The following SLC26A9 variants were observed in gnomAD, a reference collection of about 807,000 sequenced individuals.
SLC26A9 encodes anion transporter/exchanger protein 9.
SLC26A9 carries 46 observed loss-of-function variants against 87.1 expected under a neutral mutation model. That is an observed-to-expected ratio of 0.53 (90% confidence interval 0.42 to 0.67). The LOEUF (loss-of-function observed/expected upper bound fraction) is 0.67, where lower values mean the gene tolerates loss of function less well. SLC26A9 is among the 30% of genes least tolerant of loss of function. The probability of loss-of-function intolerance (pLI) is 0.00; values close to 1 mark genes in which losing one functional copy is unlikely to be tolerated. For synonymous variants in SLC26A9, 437 were observed against 409.1 expected (o/e 1.07, Z -0.82); for missense variants, 927 against 1,018.3 (o/e 0.91, Z 1.22).
intron 1 of SLC26A9, among the ~76,000 whole-genome samples, chr1:205,940,485 C>T (rs1436796027): frequency 6.6e-6 from 1 of 152,118 alleles, no homozygotes; most frequent in African/African-American, 2.4e-5. Flanking sequence ...CGGCACCTGG[C>T]CATGGGAAGC....
rs1054937127 is a variant in SLC26A9 at position 205,913,737 on chromosome 1, G to A, written c.*1620C>T. On this transcript the variant is annotated 3_prime_UTR_variant, in exon 21 of 21. Coordinates refer to ENST00000367135, the MANE Select transcript of SLC26A9 (RefSeq NM_052934.4). ...AAGTTTTGAGTTCCATTGGCAGCCAGATGGCATAATGAATTCACAGAAAAG... is the reference window on the plus strand; with the variant it reads ...AAGTTTTGAGTTCCATTGGCAGCCAAATGGCATAATGAATTCACAGAAAAG... 1 of 152,662 alleles carries A rather than the reference G, an allele frequency of 6.6e-6. No individual in the cohort carries two copies. Among genetic ancestry groups the A allele is most frequent in the Non-Finnish European group, 1.5e-5 (1 of 68,052 alleles). The allele number at this position is 152,662 out of a possible 1,614,324, so 9.5% of individuals were successfully genotyped here. A position where few individuals can be genotyped will look rare whatever the true frequency, so the allele number is the denominator to read the frequency against.
chr1:205,938,148 T>C (rs1472031181), intron 1 of SLC26A9, among the ~76,000 whole-genome samples: 1 of 151,872 alleles, frequency 6.6e-6, no homozygotes, highest in Admixed American at 6.6e-5. Context: ...CAGTGGTACC[T>C]TTCTTCCTGC....
In SLC26A9 at chr1:205,914,676, C is replaced by A; in HGVS notation, c.*681G>T. On this transcript the variant is annotated 3_prime_UTR_variant, in exon 21 of 21. Coordinates refer to ENST00000367135, the MANE Select transcript of SLC26A9 (RefSeq NM_052934.4). ...TCCCCGGGGAGGTAGCTCTGGTGGT[C>A]TCGACGGTCCTGGCCACTGTCCAGG... The A allele has an allele frequency of 1.8e-6, 1 of 547,780 alleles. No homozygotes were observed. The highest frequency in any genetic ancestry group is 3.5e-5 in the Admixed American group (1 of 28,562). 33.9% of individuals were successfully genotyped at this position (547,780 alleles called of 1,614,324 possible).
At position 205,927,947 on chromosome 1, in the gene SLC26A9, G is replaced by A; in HGVS notation, c.1056C>T (p.Gly352=). 6.2e-7 allele frequency: 1 copy of A among 1,614,210 alleles called. No homozygotes were observed. The highest frequency in any genetic ancestry group is 8.5e-7 in the Non-Finnish European group (1 of 1,180,018). ...IVSYVINLAM[G]RTLANKHGYD... The stretch of plus-strand genomic sequence containing the variant: ...AGCCGTGCTTGTTGGCCAGGGTCCG[G>A]CCCATAGCCAGGTTGATGACGTAGC... The change falls in exon 9 of 21, where the codon GGC becomes GGT. Residue 352 remains glycine, a synonymous_variant. Transcript: ENST00000367135.
intron 18 of SLC26A9, among the ~76,000 whole-genome samples, chr1:205,919,368 G>A (rs1658726697): frequency 6.6e-6 from 1 of 152,194 alleles, no homozygotes; most frequent in South Asian, 2.1e-4. Context: ...GGAAGTTTGT[G>A]TGGATTACTC....
chr1:205,941,251 G>T (rs1041516105), intron 1 of SLC26A9, among the ~76,000 whole-genome samples: 1 of 152,032 alleles, frequency 6.6e-6, no homozygotes, highest in South Asian at 2.1e-4. Flanking sequence ...TCACCACAGG[G>T]TGCACTTCCT....
Position 205,942,422 on chromosome 1 carries a change from C to T in SLC26A9, c.-19+943G>A, listed in dbSNP as rs188764233. ...TGAAGCCACTCAGGGGGAAAGCCCT[C>T]TCTCAGTCTGCCCACTTGGGGGGCT... On this transcript the variant is annotated intron_variant, in intron 1 of 20. Coordinates refer to ENST00000367135, the MANE Select transcript of SLC26A9 (RefSeq NM_052934.4). Among the ~76,000 whole-genome samples, 337 of 152,352 alleles carry T rather than the reference C, an allele frequency of 2.2e-3. 2 individuals are homozygous for T. Among genetic ancestry groups the T allele is most frequent in the Non-Finnish European group, 2.2e-3 (149 of 68,038 alleles).
intron 20 of SLC26A9, among the ~76,000 whole-genome samples, chr1:205,917,032 G>T (rs1658620887): frequency 6.6e-6 from 1 of 151,406 alleles, no homozygotes. Context: ...GGCAGAGGTT[G>T]CAGTGAGCTG....
At position 205,924,675 on chromosome 1, in the gene SLC26A9, C is replaced by A. The variant is rs74146721; in HGVS notation, c.1390-186G>T. ...GTGCTTTGGTTACACTTTCCTCTTT[C>A]CCTTAGATTGACTGTGGTTGCCTGA... On this transcript the variant is annotated intron_variant, in intron 12 of 20. Transcript: ENST00000367135. 7.1e-6 allele frequency: 4 copies of A among 562,294 alleles called. No individual in the cohort carries two copies. The East Asian group carries it at 1.2e-4, about 17-fold the overall frequency. The allele number at this position is 562,294 out of a possible 1,614,324, so 34.8% of individuals were successfully genotyped here.
At chr1:205,921,941 A>C in intron 16 of SLC26A9, 94 bp from the exon 17 acceptor site, 1 of 1,448,048 alleles carries the variant, frequency 6.9e-7, no homozygotes, top group East Asian at 2.4e-5. Flanking sequence ...GTGTAGGTGT[A>C]GGGGAATAAC....
intron 1 of SLC26A9, among the ~76,000 whole-genome samples, chr1:205,941,811 G>A (rs1004408762): frequency 2.6e-5 from 4 of 152,340 alleles, no homozygotes; most frequent in African/African-American, 9.6e-5. Context: ...TGGGCTCCCT[G>A]GAATGGGCAC....
rs533875075 is a variant in SLC26A9, at chr1:205,930,569, T to C, written c.553-513A>G. 1.7e-3 allele frequency among the ~76,000 whole-genome samples: 254 copies of C among 152,196 alleles called. 1 individual carries two copies. The highest frequency in any genetic ancestry group is 5.9e-3 in the African/African-American group (246 of 41,560). ...ATTCTAATCCACCTCCCACTCATCA[T>C]TGTGTAGCCCAAACGATCCTTATAA... On this transcript the variant is annotated intron_variant, in intron 5 of 20. Transcript: ENST00000367135.
intron 1 of SLC26A9, among the ~76,000 whole-genome samples, chr1:205,937,282 G>T (rs576507129): frequency 6.6e-6 from 1 of 152,112 alleles, no homozygotes; most frequent in Non-Finnish European, 1.5e-5. Flanking sequence ...TACCCCCAGC[G>T]CCTGTGCCCA....
intron 6 of SLC26A9, 128 bp from the exon 7 acceptor site, chr1:205,929,484 C>A: frequency 1.4e-6 from 2 of 1,400,838 alleles, no homozygotes; most frequent in Admixed American, 2.7e-5. Flanking sequence ...AGAATTAAAA[C>A]CCTGATCAGG....
chr1:205,924,537 C>A, intron 12 of SLC26A9, 48 bp from the exon 13 acceptor site: 1 of 1,571,152 alleles, frequency 6.4e-7, no homozygotes, highest in South Asian at 1.1e-5. Context: ...AAAACAACCT[C>A]TTTCAGGAAG....
intron 2 of SLC26A9, among the ~76,000 whole-genome samples, chr1:205,935,349 G>A (rs973602696): frequency 1.3e-5 from 2 of 152,160 alleles, no homozygotes; most frequent in African/African-American, 4.8e-5. Context: ...AGGGCATGGA[G>A]TAAGGGCTCT....
chr1:205,921,490 C>A, intron 17 of SLC26A9, 76 bp downstream of exon 17: 3 of 1,502,224 alleles, frequency 2.0e-6, no homozygotes, highest in Non-Finnish European at 8.9e-7. Context: ...GAAATGAGGG[C>A]TCCCAGGAAA....
rs565760222 is a variant in SLC26A9 at position 205,933,273 on chromosome 1, T to C, written c.126-189A>G. ...AGAGCTCATCAACTTGTCCTGGGCA[T>C]TAGCTGGAGGTCTTCTGACTGCCAG... On this transcript the variant is annotated intron_variant, in intron 2 of 20. Coordinates refer to ENST00000367135, the MANE Select transcript of SLC26A9 (RefSeq NM_052934.4). Among the ~76,000 whole-genome samples the C allele has an allele frequency of 6.8e-4, 103 of 152,346 alleles. 1 individual carries two copies. The highest frequency in any genetic ancestry group is 2.3e-3 in the African/African-American group (97 of 41,584).
Position 205,913,760 on chromosome 1 carries a change from A to G in SLC26A9, c.*1597T>C, listed in dbSNP as rs1379091891. 2 of 152,618 alleles carry G rather than the reference A, an allele frequency of 1.3e-5. No homozygotes were observed. The highest frequency in any genetic ancestry group is 4.8e-5 in the African/African-American group (2 of 41,434). The allele number at this position is 152,618 out of a possible 1,614,324, so 9.5% of individuals were successfully genotyped here. A position where few individuals can be genotyped will look rare whatever the true frequency, so the allele number is the denominator to read the frequency against. On this transcript the variant is annotated 3_prime_UTR_variant, in exon 21 of 21. Coordinates refer to ENST00000367135, the MANE Select transcript of SLC26A9 (RefSeq NM_052934.4). Reference sequence around the variant, plus strand: ...CAGATGGCATAATGAATTCACAGAAAAGCAATGCTCCTGGGCCAAGAATGT... The same window carrying G: ...CAGATGGCATAATGAATTCACAGAAGAGCAATGCTCCTGGGCCAAGAATGT...
Sources: allele counts gnomAD v4.1 joint callset (sites outside exome capture counted in the v4.1 genomes callset), GRCh38; gene constraint gnomAD v4.1.1; transcripts MANE v1.5; gene names NCBI Gene and HGNC (gene_info 2026-07-23, HGNC 2026-07-21).